CHST14: variants seen among roughly 807,000 people sequenced by gnomAD.
CHST14 encodes the protein carbohydrate (N-acetylgalactosamine 4-0) sulfotransferase 14.
CHST14 carries 13 observed loss-of-function variants against 22.7 expected under a neutral mutation model. The ratio of observed to expected loss-of-function variants is 0.57; its 90% CI spans 0.37 to 0.91. The LOEUF is 0.91. Among genes scored for constraint, CHST14 ranks in the 40% least tolerant of loss-of-function variants. The pLI, the probability that CHST14 is intolerant of heterozygous loss-of-function variation, is 0.01. For synonymous variants in CHST14, 233 were observed against 231.9 expected, an observed-to-expected ratio of 1.00 and a Z score of -0.04; for missense variants, 466 against 513.1, an observed-to-expected ratio of 0.91 and a Z score of 0.89.
In CHST14 at chr15:40,471,475, C is replaced by A; in HGVS notation, c.262C>A (p.Pro88Thr). Residue 88 changes from proline to threonine, a missense_variant, in exon 1 of 1, where the codon CCC becomes ACC. Transcript: ENST00000306243. The surrounding 1 kb of genome is among the most constrained non-coding windows in gnomAD (Gnocchi z 6.4). Reference protein sequence around the residue: ...REGTAWRGKAPKPGGLSLRAG... With the variant: ...REGTAWRGKATKPGGLSLRAG... ...GGGCACAGCCTGGCGCGGGAAAGCC[C>A]CCAAGCCTGGGGGCCTGTCCCTCAG... The A allele has an allele frequency of 6.3e-7, 1 of 1,597,050 alleles. No individual in the cohort carries two copies. Among genetic ancestry groups the A allele is most frequent in the East Asian group, 2.2e-5 (1 of 44,488 alleles).
Position 40,471,043 on chromosome 15 carries a change from G to T in CHST14, c.-171G>T, listed in dbSNP as rs910904770. On this transcript the variant is annotated 5_prime_UTR_variant, in exon 1 of 1. Transcript: ENST00000306243. This position sits in a 1 kb window ranked among gnomAD's most constrained non-coding sequence, Gnocchi z 6.4. ...GCGCCCGCCGCCCGCCGCCCGCTTC[G>T]GCGCCGCAGCCCGGGAGCCGGCCAC... 5.6e-6 allele frequency: 2 copies of T among 355,082 alleles called. No individual in the cohort carries two copies. Among genetic ancestry groups the T allele is most frequent in the South Asian group, 1.3e-4 (1 of 7,570 alleles). The allele number at this position is 355,082 out of a possible 1,614,324, so 22.0% of individuals were successfully genotyped here. A position where few individuals can be genotyped will look rare whatever the true frequency, so the allele number is the denominator to read the frequency against.
At position 40,471,317 on chromosome 15, in the gene CHST14, G is replaced by C. The variant is rs562582335; in HGVS notation, c.104G>C (p.Gly35Ala). The change falls in exon 1 of 1, where the codon GGT (glycine) becomes GCT (alanine). Residue 35 changes from glycine (G) to alanine (A), a missense_variant. Transcript: ENST00000306243. This position sits in a 1 kb window ranked among gnomAD's most constrained non-coding sequence, Gnocchi z 6.4. ...APLGRARAGL[G>A]GPPLLLPSML... ...CTGGGCAGGGCCCGGGCGGGGCTGGGTGGGCCGCCCCTGCTGCTGCCGTCC... is the reference window on the plus strand; with the variant it reads ...CTGGGCAGGGCCCGGGCGGGGCTGGCTGGGCCGCCCCTGCTGCTGCCGTCC... 2.7e-5 allele frequency: 41 copies of C among 1,537,594 alleles called. No homozygotes were observed. In the South Asian group the frequency reaches 4.9e-4, roughly 18 times the overall value.
Position 40,472,174 on chromosome 15 carries a change from T to C in CHST14, c.961T>C (p.Phe321Leu). 1 of 1,614,084 alleles carries C rather than the reference T, an allele frequency of 6.2e-7. No individual in the cohort carries two copies. The highest frequency in any genetic ancestry group is 8.5e-7 in the Non-Finnish European group (1 of 1,180,012). The change falls in exon 1 of 1, where the codon TTT (phenylalanine) becomes CTT (leucine). Residue 321 changes from phenylalanine to leucine, a missense_variant. Transcript: ENST00000306243. ...GGTACGGGCACCACCTCACGTCCGA[T>C]TTCCAGCTCGCCAGGCCTGGTACCG... Reference protein sequence around the residue: ...EWVRAPPHVRFPARQAWYRPA... With the variant: ...EWVRAPPHVRLPARQAWYRPA...
In CHST14 at chr15:40,471,931, G is replaced by A. The variant is rs199949519; in HGVS notation, c.718G>A (p.Glu240Lys). The change falls in exon 1 of 1, where the codon GAG becomes AAG. Residue 240 changes from glutamate to lysine, a missense_variant. Physicochemically the swap from Glu to Lys is moderately conservative, Grantham distance 56 (BLOSUM62 1). Coordinates refer to ENST00000306243, the MANE Select transcript of CHST14 (RefSeq NM_130468.4). The surrounding 1 kb of genome is among the most constrained non-coding windows in gnomAD (Gnocchi z 6.4). Reference sequence around the variant, plus strand: ...AGAGTACCAGCAACGCTATGGGGCTGAGATAGTGAGGCGGTACAGGGCTGG... The same window carrying A: ...AGAGTACCAGCAACGCTATGGGGCTAAGATAGTGAGGCGGTACAGGGCTGG... ...IREYQQRYGA[E>K]IVRRYRAGAG... 1 of 1,614,152 alleles carries A rather than the reference G, an allele frequency of 6.2e-7. No individual in the cohort carries two copies. The highest frequency in any genetic ancestry group is 1.7e-5 in the Admixed American group (1 of 60,032).
Position 40,471,258 on chromosome 15 carries a change from C to A in CHST14, c.45C>A (p.Ala15=). The A allele has an allele frequency of 2.0e-6, 3 of 1,468,110 alleles. No homozygotes were observed. The highest frequency in any genetic ancestry group is 2.7e-6 in the Non-Finnish European group (3 of 1,119,708). 90.9% of individuals were successfully genotyped at this position (1,468,110 alleles called of 1,614,324 possible). A position where few individuals can be genotyped will look rare whatever the true frequency, so the allele number is the denominator to read the frequency against. ...CCCCGCTGGCGGCCCCAAATGGCGC[C>A]GAGCCCCTGGGCCGGGCGCTGAGGC... ...PLTPLAAPNG[A]EPLGRALRRA... is the part of the protein sequence containing the mutation. Residue 15 remains alanine, a synonymous_variant, in exon 1 of 1, where the codon GCC becomes GCA. Transcript: ENST00000306243. This position sits in a 1 kb window ranked among gnomAD's most constrained non-coding sequence, Gnocchi z 6.4.
Position 40,471,338 on chromosome 15 carries a change from C to G in CHST14, c.125C>G (p.Pro42Arg), listed in dbSNP as rs1368747984. The G allele has an allele frequency of 1.4e-5, 22 of 1,545,596 alleles. No homozygotes were observed. Among genetic ancestry groups the G allele is most frequent in the Non-Finnish European group, 1.8e-5 (21 of 1,150,656 alleles). Residue 42 changes from proline (P) to arginine (R), a missense_variant, in exon 1 of 1, where the codon CCG becomes CGG. Pro to Arg is a moderately radical substitution (Grantham distance 103, BLOSUM62 -2). Coordinates refer to ENST00000306243, the MANE Select transcript of CHST14 (RefSeq NM_130468.4). This position sits in a 1 kb window ranked among gnomAD's most constrained non-coding sequence, Gnocchi z 6.4. Reference protein sequence around the residue: ...AGLGGPPLLLPSMLMFAVIVA... With the variant: ...AGLGGPPLLLRSMLMFAVIVA... ...CTGGGTGGGCCGCCCCTGCTGCTGC[C>G]GTCCATGCTGATGTTTGCGGTGATC...
In CHST14 at chr15:40,471,183, G is replaced by A; in HGVS notation, c.-31G>A. 7.6e-7 allele frequency: 1 copy of A among 1,314,056 alleles called. No individual in the cohort carries two copies. 81.4% of individuals were successfully genotyped at this position (1,314,056 alleles called of 1,614,324 possible). On this transcript the variant is annotated 5_prime_UTR_variant, in exon 1 of 1. Transcript: ENST00000306243. This position sits in a 1 kb window ranked among gnomAD's most constrained non-coding sequence, Gnocchi z 6.4. ...TTCCAGGCCGCCCTCGGATCGGCCGGGCCCGCGCAGGCCCCCACCCCTTGA... is the reference window on the plus strand; with the variant it reads ...TTCCAGGCCGCCCTCGGATCGGCCGAGCCCGCGCAGGCCCCCACCCCTTGA...
Position 40,472,296 on chromosome 15 carries a change from C to G in CHST14, c.1083C>G (p.Leu361=). ...CTAAGTATATCCTGGACTTCTCCCT[C>G]TTTGCCTACCCACTGCCTAATGTCA... The part of the protein sequence containing the change: ...VLPKYILDFS[L]FAYPLPNVTK... The change falls in exon 1 of 1, where the codon CTC becomes CTG. Residue 361 remains leucine (L), a synonymous_variant. Coordinates refer to ENST00000306243, the MANE Select transcript of CHST14 (RefSeq NM_130468.4). 1 of 1,601,914 alleles carries G rather than the reference C, an allele frequency of 6.2e-7. No individual in the cohort carries two copies. Among genetic ancestry groups the G allele is most frequent in the Non-Finnish European group, 8.5e-7 (1 of 1,172,432 alleles).
rs1894335536 is a variant in CHST14 at position 40,471,110 on chromosome 15, A to G, written c.-104A>G. The G allele has an allele frequency of 7.0e-6, 3 of 426,784 alleles. No individual in the cohort carries two copies. Among genetic ancestry groups the G allele is most frequent in the South Asian group, 4.7e-5 (1 of 21,128 alleles). The allele number at this position is 426,784 out of a possible 1,614,324, so 26.4% of individuals were successfully genotyped here. On this transcript the variant is annotated 5_prime_UTR_variant, in exon 1 of 1. Transcript: ENST00000306243. This position sits in a 1 kb window ranked among gnomAD's most constrained non-coding sequence, Gnocchi z 6.4. Reference sequence around the variant, plus strand: ...GCTGTCCCCTGCCCTCCCCTCCCCAACTACCCCCGGTCCCAGACCCTCCTC... The same window carrying G: ...GCTGTCCCCTGCCCTCCCCTCCCCAGCTACCCCCGGTCCCAGACCCTCCTC...
rs1185910731 is a variant in CHST14 at position 40,471,647 on chromosome 15, A to G, written c.434A>G (p.Asp145Gly). 6.2e-7 allele frequency: 1 copy of G among 1,613,262 alleles called. No homozygotes were observed. The highest frequency in any genetic ancestry group is 1.3e-5 in the African/African-American group (1 of 74,868). ...CTGCTGCGCCACATCCTCGTAAGTGACCGTTACCGCTTCCTCTACTGCTAC... is the reference window on the plus strand; with the variant it reads ...CTGCTGCGCCACATCCTCGTAAGTGGCCGTTACCGCTTCCTCTACTGCTAC... ...RTLLRHILVS[D>G]RYRFLYCYVP... The change falls in exon 1 of 1, where the codon GAC becomes GGC. Residue 145 changes from aspartate to glycine, a missense_variant. By Grantham distance (94) the Asp-to-Gly change is moderately conservative. Transcript: ENST00000306243. This position sits in a 1 kb window ranked among gnomAD's most constrained non-coding sequence, Gnocchi z 6.4.
At position 40,471,052 on chromosome 15, in the gene CHST14, G is replaced by A. The variant is rs946447471; in HGVS notation, c.-162G>A. On this transcript the variant is annotated 5_prime_UTR_variant, in exon 1 of 1. Coordinates refer to ENST00000306243, the MANE Select transcript of CHST14 (RefSeq NM_130468.4). The surrounding 1 kb of genome is among the most constrained non-coding windows in gnomAD (Gnocchi z 6.4). ...GCCCGCCGCCCGCTTCGGCGCCGCA[G>A]CCCGGGAGCCGGCCACCCCTACACG... 1.6e-4 allele frequency: 58 copies of A among 365,884 alleles called. No individual in the cohort carries two copies. Among genetic ancestry groups the A allele is most frequent in the African/African-American group, 1.2e-3 (56 of 46,908 alleles). 22.7% of individuals were successfully genotyped at this position (365,884 alleles called of 1,614,324 possible).
At position 40,472,607 on chromosome 15, in the gene CHST14, T is replaced by G; in HGVS notation, c.*263T>G. On this transcript the variant is annotated 3_prime_UTR_variant, in exon 1 of 1. Coordinates refer to ENST00000306243, the MANE Select transcript of CHST14 (RefSeq NM_130468.4). ...CAGTTTGCCAATGAAGCAACACATC[T>G]GATCTAAAGACTGGCTCCAGACCCC... 2.0e-6 allele frequency: 1 copy of G among 510,554 alleles called. No individual in the cohort carries two copies. Among genetic ancestry groups the G allele is most frequent in the South Asian group, 3.1e-5 (1 of 32,490 alleles). The allele number at this position is 510,554 out of a possible 1,614,324, so 31.6% of individuals were successfully genotyped here. A position where few individuals can be genotyped will look rare whatever the true frequency, so the allele number is the denominator to read the frequency against.
chr15:40,472,423 ACT>A lies in CHST14; in HGVS notation c.*82_*83del, dbSNP rs1894364439. The stretch of plus-strand genomic sequence containing the variant: ...GTGCTTCTGCCTGTCATTCGGAGAA[ACT>A]CTGGCTCTGGGGCTTGGGGCTTCTC... On this transcript the variant is annotated 3_prime_UTR_variant, in exon 1 of 1. Coordinates refer to ENST00000306243, the MANE Select transcript of CHST14 (RefSeq NM_130468.4). 6.7e-7 allele frequency: 1 copy of A among 1,482,392 alleles called. No individual in the cohort carries two copies. Among genetic ancestry groups the A allele is most frequent in the African/African-American group, 1.4e-5 (1 of 70,868 alleles). 91.8% of individuals were successfully genotyped at this position (1,482,392 alleles called of 1,614,324 possible).
chr15:40,471,016 C>T lies in CHST14; in HGVS notation c.-198C>T, dbSNP rs1307675238. On this transcript the variant is annotated 5_prime_UTR_variant, in exon 1 of 1. Transcript: ENST00000306243. This position sits in a 1 kb window ranked among gnomAD's most constrained non-coding sequence, Gnocchi z 6.4. Reference sequence around the variant, plus strand: ...CGGGACATCCGGCCCGGGTCCCTCGCCGCGCCCGCCGCCCGCCGCCCGCTT... The same window carrying T: ...CGGGACATCCGGCCCGGGTCCCTCGTCGCGCCCGCCGCCCGCCGCCCGCTT... 3 of 314,996 alleles carry T rather than the reference C, an allele frequency of 9.5e-6. No individual in the cohort carries two copies. The highest frequency in any genetic ancestry group is 1.7e-5 in the Non-Finnish European group (3 of 173,140). 19.5% of individuals were successfully genotyped at this position (314,996 alleles called of 1,614,324 possible). A position where few individuals can be genotyped will look rare whatever the true frequency, so the allele number is the denominator to read the frequency against.
Position 40,471,526 on chromosome 15 carries a change from C to A in CHST14, c.313C>A (p.Arg105=). The change falls in exon 1 of 1, where the codon CGG becomes AGG. Residue 105 remains arginine, a synonymous_variant. Coordinates refer to ENST00000306243, the MANE Select transcript of CHST14 (RefSeq NM_130468.4). The surrounding 1 kb of genome is among the most constrained non-coding windows in gnomAD (Gnocchi z 6.4). ...GGCTGGGGACGCGGACTTGCAAGTG[C>A]GGCAGGACGTCCGGAACAGGACCCT... ...LRAGDADLQV[R]QDVRNRTLRA... is the part of the protein sequence containing the mutation. 1 of 1,600,704 alleles carries A rather than the reference C, an allele frequency of 6.2e-7. No individual in the cohort carries two copies. The highest frequency in any genetic ancestry group is 8.5e-7 in the Non-Finnish European group (1 of 1,175,568).
Position 40,471,197 on chromosome 15 carries a change from C to T in CHST14, c.-17C>T, listed in dbSNP as rs1017062688. On this transcript the variant is annotated 5_prime_UTR_variant, in exon 1 of 1. Coordinates refer to ENST00000306243, the MANE Select transcript of CHST14 (RefSeq NM_130468.4). This position sits in a 1 kb window ranked among gnomAD's most constrained non-coding sequence, Gnocchi z 6.4. ...CGGATCGGCCGGGCCCGCGCAGGCC[C>T]CCACCCCTTGAGCACCATGTTCCCC... The T allele has an allele frequency of 2.4e-5, 33 of 1,363,538 alleles. No homozygotes were observed. Among genetic ancestry groups the T allele is most frequent in the Non-Finnish European group, 3.0e-5 (32 of 1,066,106 alleles). The allele number at this position is 1,363,538 out of a possible 1,614,324, so 84.5% of individuals were successfully genotyped here.
In CHST14 at chr15:40,471,510, C is replaced by T. The variant is rs1328842726; in HGVS notation, c.297C>T (p.Asp99=). The T allele has an allele frequency of 1.9e-6, 3 of 1,600,090 alleles. No individual in the cohort carries two copies. The highest frequency in any genetic ancestry group is 2.6e-6 in the Non-Finnish European group (3 of 1,175,824). Residue 99 remains aspartate, a synonymous_variant, in exon 1 of 1, where the codon GAC becomes GAT. Coordinates refer to ENST00000306243, the MANE Select transcript of CHST14 (RefSeq NM_130468.4). The surrounding 1 kb of genome is among the most constrained non-coding windows in gnomAD (Gnocchi z 6.4). ...KPGGLSLRAG[D]ADLQVRQDVR... is the part of the protein sequence containing the mutation. ...GGGGCCTGTCCCTCAGGGCTGGGGA[C>T]GCGGACTTGCAAGTGCGGCAGGACG...
rs750302983 is a variant in CHST14 at position 40,471,754 on chromosome 15, A to G, written c.541A>G (p.Lys181Glu). 10 of 1,613,456 alleles carry G rather than the reference A, an allele frequency of 6.2e-6. No individual in the cohort carries two copies. Among genetic ancestry groups the G allele is most frequent in the East Asian group, 2.2e-5 (1 of 44,886 alleles). ...GVLDSVDVRLKMDHRSDLVFL... is the reference protein window; with the variant it reads ...GVLDSVDVRLEMDHRSDLVFL... ...CCTGGACAGCGTGGACGTCCGCCTC[A>G]AGATGGACCACCGCAGTGACCTGGT... Residue 181 changes from lysine to glutamate, a missense_variant, in exon 1 of 1, where the codon AAG becomes GAG. Lys to Glu is a moderately conservative substitution (Grantham distance 56, BLOSUM62 1). Coordinates refer to ENST00000306243, the MANE Select transcript of CHST14 (RefSeq NM_130468.4). This position sits in a 1 kb window ranked among gnomAD's most constrained non-coding sequence, Gnocchi z 6.4.
Position 40,471,465 on chromosome 15 carries a change from C to T in CHST14, c.252C>T (p.Arg84=), listed in dbSNP as rs1377145039. Residue 84 remains arginine (R), a synonymous_variant, in exon 1 of 1, where the codon CGC becomes CGT. Transcript: ENST00000306243. The surrounding 1 kb of genome is among the most constrained non-coding windows in gnomAD (Gnocchi z 6.4). The part of the protein sequence containing the change: ...HPPGREGTAW[R]GKAPKPGGLS... ...CCGGCCGCGAGGGCACAGCCTGGCG[C>T]GGGAAAGCCCCCAAGCCTGGGGGCC... The T allele has an allele frequency of 4.4e-6, 7 of 1,591,614 alleles. No homozygotes were observed. The Admixed American group carries it at 8.6e-5, about 20-fold the overall frequency.
Sources: allele counts gnomAD v4.1 joint callset, GRCh38; gene constraint gnomAD v4.1.1; non-coding constraint Gnocchi (gnomAD v3.1); transcripts MANE v1.5; gene names NCBI Gene and HGNC (gene_info 2026-07-23, HGNC 2026-07-21).